The following N4BP2 variants were observed in gnomAD, a reference collection of about 807,000 sequenced individuals.
N4BP2 encodes NEDD4-binding protein 2.
In N4BP2, 91 loss-of-function variants were observed where a neutral mutation model predicts 152.8. The observed-to-expected ratio is 0.60, with a 90% confidence interval of 0.50 to 0.71. N4BP2 has a LOEUF of 0.71. N4BP2 is among the 30% of genes least tolerant of loss of function. N4BP2 has a pLI of 0.00. For missense variants in N4BP2, 1,923 were observed against 2,059.1 expected (o/e 0.93, Z 1.28); for synonymous variants, 646 against 705.3 (o/e 0.92, Z 1.33).
chr4:40,086,262 G>A (rs1202581879), intron 2 of N4BP2, among the ~76,000 whole-genome samples: 1 of 151,624 alleles, frequency 6.6e-6, no homozygotes, highest in East Asian at 1.9e-4. Context: ...GACAAGTCCA[G>A]GAGTTTGAGA....
chr4:40,159,019 T>A (rs1294477171), downstream of N4BP2, among the ~76,000 whole-genome samples: 1 of 152,220 alleles, frequency 6.6e-6, no homozygotes, highest in Non-Finnish European at 1.5e-5. Context: ...GATACTCTCG[T>A]ATATGTTATA....
the N4BP2 span, among the ~76,000 whole-genome samples, chr4:40,181,039 A>G: frequency 6.6e-6 from 1 of 152,076 alleles, no homozygotes; most frequent in Non-Finnish European, 1.5e-5. Context: ...AGTCCCAGCT[A>G]CTCGGGAGGC....
Position 40,117,985 on chromosome 4 carries a change from T to G in N4BP2, c.1781T>G (p.Ile594Ser). 4 of 1,610,872 alleles carry G rather than the reference T, an allele frequency of 2.5e-6. No homozygotes were observed. The highest frequency in any genetic ancestry group is 3.4e-6 in the Non-Finnish European group (4 of 1,178,414). ...TCGGTTCCAGAGAAAATTGAACGTA[T>G]TGAGTTGTGTGCATATTCTTGTGAG... ...SSSVPEKIER[I>S]ELCAYSCEDR... The change falls in exon 8 of 18, where the codon ATT (isoleucine) becomes AGT (serine). Residue 594 changes from isoleucine (I) to serine (S), a missense_variant. Transcript: ENST00000261435.
intron 16 of N4BP2, among the ~76,000 whole-genome samples, chr4:40,148,484 G>A (rs1313343242): frequency 1.3e-5 from 2 of 151,314 alleles, no homozygotes; most frequent in Non-Finnish European, 3.0e-5. Flanking sequence ...GAGAGGGGGA[G>A]GGGGAGGGGG....
the N4BP2 span, among the ~76,000 whole-genome samples, chr4:40,175,767 G>C: frequency 3.8e-5 from 5 of 129,980 alleles, no homozygotes; most frequent in African/African-American, 1.5e-4. Flanking sequence ...CCGAGATTGC[G>C]CCCCTGCACT....
intron 1 of N4BP2, among the ~76,000 whole-genome samples, chr4:40,058,652 G>T (rs1294317057): frequency 1.3e-5 from 2 of 152,098 alleles, no homozygotes; most frequent in Non-Finnish European, 2.9e-5. Flanking sequence ...GTATTTCATA[G>T]AAAAAGTGGG....
chr4:40,144,834 A>G, intron 16 of N4BP2, 34 bp downstream of exon 16: 1 of 1,547,192 alleles, frequency 6.5e-7, no homozygotes, highest in Non-Finnish European at 8.7e-7. Flanking sequence ...TTTCAATAGA[A>G]TATATGTCTT....
downstream of N4BP2, among the ~76,000 whole-genome samples, chr4:40,161,298 G>A (rs1721853867): frequency 6.6e-6 from 1 of 152,100 alleles, no homozygotes. Context: ...CAATTTACAG[G>A]GATTACAGAG....
intron 1 of N4BP2, among the ~76,000 whole-genome samples, chr4:40,072,099 G>C (rs1353385032): frequency 6.6e-6 from 1 of 150,556 alleles, no homozygotes; most frequent in East Asian, 2.0e-4. Context: ...TTTTGAGATG[G>C]AGTCTCCTTC....
chr4:40,112,462 GT>G (rs1716977854), intron 6 of N4BP2, among the ~76,000 whole-genome samples: 1 of 151,808 alleles, frequency 6.6e-6, no homozygotes, highest in African/African-American at 2.4e-5. Context: ...TTATTTTTTT[GT>G]TTGTACCTAT....
intron 14 of N4BP2, among the ~76,000 whole-genome samples, chr4:40,137,858 C>T (rs1560633504): frequency 6.6e-6 from 1 of 152,214 alleles, no homozygotes; most frequent in Non-Finnish European, 1.5e-5. Context: ...GGCATAGGGA[C>T]TTCCCCTGGT....
At chr4:40,133,470 G>A (rs1039259325) in intron 13 of N4BP2, among the ~76,000 whole-genome samples, 2 of 151,898 alleles carry the variant, frequency 1.3e-5, no homozygotes, top group Non-Finnish European at 2.9e-5. Context: ...TAAGTAGCAG[G>A]GATTACAGGC....
At chr4:40,187,590 G>T in the N4BP2 span, among the ~76,000 whole-genome samples, 1 of 152,162 alleles carries the variant, frequency 6.6e-6, no homozygotes, top group Admixed American at 6.5e-5. Flanking sequence ...AAAGCACTAG[G>T]ATTACAAGCG....
chr4:40,117,759 A>T, intron 7 of N4BP2, 110 bp from the exon 8 acceptor site: 2 of 838,250 alleles, frequency 2.4e-6, no homozygotes, highest in Non-Finnish European at 3.5e-6. Context: ...AGCAGCTTTG[A>T]TATTCGTATC....
At chr4:40,093,750 G>A (rs547243857) in intron 2 of N4BP2, among the ~76,000 whole-genome samples, 7 of 152,158 alleles carry the variant, frequency 4.6e-5, no homozygotes, top group Admixed American at 3.9e-4. Context: ...TTCAGTGCGC[G>A]TGCCAGCGCT....
At chr4:40,106,529 CT>C (rs1353121647) in intron 4 of N4BP2, among the ~76,000 whole-genome samples, 4 of 152,088 alleles carry the variant, frequency 2.6e-5, no homozygotes, top group Non-Finnish European at 4.4e-5. Flanking sequence ...GTTGCCGAGG[CT>C]GATTTTTACT....
intron 2 of N4BP2, among the ~76,000 whole-genome samples, chr4:40,077,485 G>T (rs1326954892): frequency 7.2e-6 from 1 of 139,662 alleles, no homozygotes; most frequent in Non-Finnish European, 1.5e-5. Flanking sequence ...ACTGAGTCTC[G>T]CTCTGTCACC....
At chr4:40,066,178 C>T (rs961611032) in intron 1 of N4BP2, among the ~76,000 whole-genome samples, 2 of 152,024 alleles carry the variant, frequency 1.3e-5, no homozygotes, top group African/African-American at 4.8e-5. Context: ...ATCCACCTGC[C>T]TCAGCCTCCC....
intron 5 of N4BP2, among the ~76,000 whole-genome samples, chr4:40,107,245 T>A (rs1446477946): frequency 6.6e-6 from 1 of 152,124 alleles, no homozygotes; most frequent in African/African-American, 2.4e-5. Flanking sequence ...ACCACAGATG[T>A]GCCACCATGC....
Sources: gnomAD v4.1 joint callset for allele counts (sites outside exome capture counted in the v4.1 genomes callset) on GRCh38, gnomAD v4.1.1 for gene constraint, MANE v1.5 for transcripts, NCBI Gene and HGNC (gene_info 2026-07-23, HGNC 2026-07-21) for gene names.